The following TRIM71 variants were observed in gnomAD, a reference collection of about 807,000 sequenced individuals.
TRIM71 encodes E3 ubiquitin-protein ligase TRIM71.
In TRIM71, 9 loss-of-function variants were observed where a neutral mutation model predicts 61.2. That is an observed-to-expected ratio of 0.15 (90% CI 0.09 to 0.26). The LOEUF (loss-of-function observed/expected upper bound fraction) is 0.26, where lower values mean the gene tolerates loss of function less well. TRIM71 is among the 10% of genes least tolerant of loss of function. The pLI is 1.00. For synonymous variants in TRIM71, 645 were observed against 553.2 expected, an observed-to-expected ratio of 1.17 and a Z score of -2.33; for missense variants, 998 against 1,238.7, an observed-to-expected ratio of 0.81 and a Z score of 2.92.
At chr3:32,826,569 C>CATCAGG (rs1186174063) in intron 1 of TRIM71, among the ~76,000 whole-genome samples, 1 of 142,096 alleles carries the variant, frequency 7.0e-6, no homozygotes, top group Admixed American at 7.2e-5. Flanking sequence ...CTTTAATTCC[C>CATCAGG]ATCAGGTGAG....
At chr3:32,833,184 TAAAAAAAAAAAAAAAAAAA>T (rs1182178339) in intron 1 of TRIM71, among the ~76,000 whole-genome samples, 3 of 54,428 alleles carry the variant, frequency 5.5e-5, no homozygotes, top group African/African-American at 2.0e-4. Context: ...ACTCTGTCTT[TAAAAAAAAAAAAAAAAAAA>T]AAAAAAAAAG....
chr3:32,842,771 C>A (rs181019468), intron 1 of TRIM71, among the ~76,000 whole-genome samples: 1 of 152,040 alleles, frequency 6.6e-6, no homozygotes, highest in Non-Finnish European at 1.5e-5. Context: ...ATCTCCCCAC[C>A]CCCACCCAAG....
intron 1 of TRIM71, among the ~76,000 whole-genome samples, chr3:32,831,981 G>T (rs1696277037): frequency 1.3e-5 from 2 of 152,176 alleles, no homozygotes. Flanking sequence ...TTTCTGCTCA[G>T]TGTGAATTGT....
chr3:32,878,375 C>T (rs923189326), intron 2 of TRIM71, among the ~76,000 whole-genome samples: 4 of 152,102 alleles, frequency 2.6e-5, no homozygotes, highest in Non-Finnish European at 5.9e-5. Context: ...TTTGGGAGCC[C>T]GAGGCGGGTG....
chr3:32,854,004 C>CA (rs571008559), intron 1 of TRIM71, among the ~76,000 whole-genome samples: 2,145 of 134,018 alleles, frequency 0.016, 34 homozygotes, highest in African/African-American at 0.042. Flanking sequence ...ACTCCCATCT[C>CA]AAAAAAAAAA....
intron 1 of TRIM71, among the ~76,000 whole-genome samples, chr3:32,858,114 T>C (rs1030833271): frequency 6.6e-6 from 1 of 152,130 alleles, no homozygotes; most frequent in African/African-American, 2.4e-5. Flanking sequence ...CTTGCTGTCT[T>C]AGGGGTGGCA....
At chr3:32,869,864 G>T (rs559909060) in intron 1 of TRIM71, among the ~76,000 whole-genome samples, 24 of 152,270 alleles carry the variant, frequency 1.6e-4, no homozygotes, top group South Asian at 8.3e-4. Context: ...TGGGGCAGCC[G>T]GATTGTCGCC....
intron 1 of TRIM71, among the ~76,000 whole-genome samples, chr3:32,850,946 G>A (rs887877509): frequency 6.6e-6 from 1 of 152,046 alleles, no homozygotes. Flanking sequence ...GTTGGGGAGG[G>A]GTTTAAATAG....
chr3:32,885,800 C>A (rs188460851), intron 2 of TRIM71, 134 bp from the exon 3 acceptor site: 3 of 1,259,632 alleles, frequency 2.4e-6, no homozygotes, highest in African/African-American at 3.0e-5. Flanking sequence ...TGTTTTCCTT[C>A]CAAGGGAGTG....
chr3:32,880,833 G>A (rs754466979), intron 2 of TRIM71, among the ~76,000 whole-genome samples: 3 of 152,074 alleles, frequency 2.0e-5, no homozygotes, highest in African/African-American at 7.2e-5. Flanking sequence ...AACAGGATCA[G>A]GAATAGTTGG....
chr3:32,836,642 CT>C (rs1696337898), intron 1 of TRIM71, among the ~76,000 whole-genome samples: 1 of 152,172 alleles, frequency 6.6e-6, no homozygotes, highest in South Asian at 2.1e-4. Context: ...AATAACGAGC[CT>C]AATGTTCTGT....
rs1453432927 is a variant in TRIM71 at position 32,874,079 on chromosome 3, G to C, written c.1020+94G>C. 2.6e-5 allele frequency: 35 copies of C among 1,369,048 alleles called. No individual in the cohort carries two copies. The East Asian group carries it at 3.1e-4, about 12-fold the overall frequency. 84.8% of individuals were successfully genotyped at this position (1,369,048 alleles called of 1,614,324 possible). On this transcript the variant is annotated intron_variant, in intron 2 of 3. Coordinates refer to ENST00000383763, the MANE Select transcript of TRIM71 (RefSeq NM_001039111.3). The stretch of plus-strand genomic sequence containing the variant: ...CAGACAATTGGGCAGATTCCAGTGT[G>C]GGGGGTGGAATAGTGACCCAAATGA...
chr3:32,879,699 A>G (rs1696887455), intron 2 of TRIM71, among the ~76,000 whole-genome samples: 1 of 150,134 alleles, frequency 6.7e-6, no homozygotes, highest in Non-Finnish European at 1.5e-5. Flanking sequence ...CTGGCTGAGT[A>G]CTGTAGCTCA....
chr3:32,839,661 T>TGGGG (rs60098058), intron 1 of TRIM71, among the ~76,000 whole-genome samples: 1 of 78,500 alleles, frequency 1.3e-5, no homozygotes, highest in Non-Finnish European at 2.7e-5. Flanking sequence ...GAGCTTTTTT[T>TGGGG]GGGGGGGGGG....
At chr3:32,874,031 C>T in intron 2 of TRIM71, 46 bp downstream of exon 2, 1 of 1,543,096 alleles carries the variant, frequency 6.5e-7, no homozygotes, top group Non-Finnish European at 8.7e-7. Context: ...AATCGAGCCC[C>T]CCTTTCTGTC....
chr3:32,819,467 AGG>A (rs753930118), intron 1 of TRIM71, among the ~76,000 whole-genome samples: 28 of 152,008 alleles, frequency 1.8e-4, no homozygotes, highest in Non-Finnish European at 3.4e-4. Flanking sequence ...CGCACTTGTG[AGG>A]GGAAGACTGG....
Position 32,830,874 on chromosome 3 carries a change from A to C in TRIM71, c.852+11942A>C, listed in dbSNP as rs145848078. ...TGCTGGAACTGGAGTGCAGTGGTGC[A>C]ATCTAGGCTCACTGCAACCTCTACC... On this transcript the variant is annotated intron_variant, in intron 1 of 3. Coordinates refer to ENST00000383763, the MANE Select transcript of TRIM71 (RefSeq NM_001039111.3). Among the ~76,000 whole-genome samples, 23 of 152,212 alleles carry C rather than the reference A, an allele frequency of 1.5e-4. No individual in the cohort carries two copies. The East Asian group carries it at 3.9e-3, about 26-fold the overall frequency.
At chr3:32,842,274 C>T (rs1696415534) in intron 1 of TRIM71, among the ~76,000 whole-genome samples, 1 of 152,206 alleles carries the variant, frequency 6.6e-6, no homozygotes, top group African/African-American at 2.4e-5. Context: ...CCAGGAAGCT[C>T]AGAGCCAAAC....
At chr3:32,883,016 G>A (rs1225118405) in intron 2 of TRIM71, among the ~76,000 whole-genome samples, 2 of 151,944 alleles carry the variant, frequency 1.3e-5, no homozygotes, top group African/African-American at 4.8e-5. Flanking sequence ...TGCTTCTGCA[G>A]GTACTCTCTG....
Sources: gnomAD v4.1 joint callset for allele counts (sites outside exome capture counted in the v4.1 genomes callset) on GRCh38, gnomAD v4.1.1 for gene constraint, MANE v1.5 for transcripts, NCBI Gene and HGNC (gene_info 2026-07-23, HGNC 2026-07-21) for gene names.